The following FANK1 variants were observed in gnomAD, a reference collection of about 807,000 sequenced individuals.
The protein encoded by FANK1 is fibronectin type 3 and ankyrin repeat domains protein 1.
In FANK1, 44 loss-of-function variants were observed where a neutral mutation model predicts 45.3. That is an observed-to-expected ratio of 0.97 (90% CI 0.76 to 1.25). The LOEUF (loss-of-function observed/expected upper bound fraction) is 1.25. Ranked by LOEUF, FANK1 falls within the 50% of genes most tolerant of loss-of-function variation. The probability of loss-of-function intolerance (pLI) is 0.00; values close to 1 mark genes in which losing one functional copy is unlikely to be tolerated. For synonymous variants in FANK1, 149 were observed against 152.5 expected, an observed-to-expected ratio of 0.98 and a Z score of 0.17; for missense variants, 391 against 424.4, an observed-to-expected ratio of 0.92 and a Z score of 0.69.
rs780196152 is a variant in FANK1, at chr10:125,996,635, TC to T, written c.473+12del. ...GAAAGGATACACCAGGTATGGCTCT[TC>T]TTTTTTTTAAATCTCTCTTGGGGAT... On this transcript the variant is annotated intron_variant, in intron 5 of 10. Transcript: ENST00000368693. The T allele has an allele frequency of 3.7e-6, 6 of 1,612,376 alleles. No individual in the cohort carries two copies. The highest frequency in any genetic ancestry group is 4.2e-6 in the Non-Finnish European group (5 of 1,179,144).
intron 6 of FANK1, among the ~76,000 whole-genome samples, chr10:126,001,410 A>C (rs572011283): frequency 1.3e-5 from 2 of 152,340 alleles, no homozygotes; most frequent in Admixed American, 1.3e-4. Flanking sequence ...ATCATACAGA[A>C]CAAGAGAGAA....
At chr10:125,989,391 T>A (rs1951779312) in intron 3 of FANK1, 1 of 1,541,864 alleles carries the variant, frequency 6.5e-7, no homozygotes, top group Non-Finnish European at 8.8e-7. Context: ...AAGGAAACCT[T>A]CCTTTTGTGA....
intron 1 of FANK1, among the ~76,000 whole-genome samples, chr10:125,930,605 G>C (rs998888261): frequency 6.6e-6 from 1 of 151,786 alleles, no homozygotes; most frequent in African/African-American, 2.4e-5. Flanking sequence ...CAGAAGTTCT[G>C]GGATTACAAG....
At chr10:125,940,152 A>G (rs2134152291) in intron 1 of FANK1, among the ~76,000 whole-genome samples, 1 of 152,282 alleles carries the variant, frequency 6.6e-6, no homozygotes, top group South Asian at 2.1e-4. Context: ...GAGAAAATAA[A>G]TAAGACACAG....
chr10:125,919,788 G>C (rs1946812241), intron 1 of FANK1, among the ~76,000 whole-genome samples: 1 of 152,074 alleles, frequency 6.6e-6, no homozygotes, highest in Non-Finnish European at 1.5e-5. Context: ...CTTCTTTCTG[G>C]GCTTTCTAAG....
chr10:125,974,407 C>G (rs1950722176), intron 1 of FANK1, among the ~76,000 whole-genome samples: 1 of 152,026 alleles, frequency 6.6e-6, no homozygotes, highest in African/African-American at 2.4e-5. Context: ...TTTAAATGAA[C>G]AATGCAGTAA....
At chr10:125,929,899 G>A (rs1437075797) in intron 1 of FANK1, among the ~76,000 whole-genome samples, 2 of 152,146 alleles carry the variant, frequency 1.3e-5, no homozygotes, top group African/African-American at 4.8e-5. Flanking sequence ...GCAATTTACG[G>A]CATACACCTT....
At chr10:125,910,267 C>G (rs959739164) in intron 1 of FANK1, among the ~76,000 whole-genome samples, 1 of 152,164 alleles carries the variant, frequency 6.6e-6, no homozygotes, top group Non-Finnish European at 1.5e-5. Flanking sequence ...CATAAAGAGT[C>G]CTACAATGGG....
intron 1 of FANK1, among the ~76,000 whole-genome samples, chr10:125,902,031 ATTGC>A (rs1232404260): frequency 6.6e-6 from 1 of 152,066 alleles, no homozygotes; most frequent in East Asian, 1.9e-4. Context: ...AGGCAGGAGA[ATTGC>A]TTGAACCTGG....
At chr10:125,970,562 C>T (rs61870942) in intron 1 of FANK1, among the ~76,000 whole-genome samples, 53,792 of 152,124 alleles carry the variant, frequency 0.35, 9,834 homozygotes, top group South Asian at 0.42. Context: ...TCTGCAATCC[C>T]GGCGCCTCGG....
intron 1 of FANK1, among the ~76,000 whole-genome samples, chr10:125,913,450 T>G (rs1589821577): frequency 6.6e-6 from 1 of 152,304 alleles, no homozygotes; most frequent in East Asian, 1.9e-4. Flanking sequence ...GGCGCTCAGC[T>G]TCATTCACTA....
intron 3 of FANK1, among the ~76,000 whole-genome samples, chr10:125,990,393 C>CT (rs1435145870): frequency 1.3e-5 from 2 of 152,092 alleles, no homozygotes; most frequent in Non-Finnish European, 2.9e-5. Flanking sequence ...AGGACCCTTT[C>CT]TTTAAAAAAA....
At chr10:125,946,112 C>T (rs1251039888) in intron 1 of FANK1, among the ~76,000 whole-genome samples, 1 of 152,136 alleles carries the variant, frequency 6.6e-6, no homozygotes, top group African/African-American at 2.4e-5. Context: ...ATCTGTACAT[C>T]ACCATCATCA....
chr10:125,952,384 C>T (rs1474402933), intron 1 of FANK1, among the ~76,000 whole-genome samples: 2 of 152,058 alleles, frequency 1.3e-5, no homozygotes, highest in Admixed American at 6.6e-5. Flanking sequence ...CCAATCCTGC[C>T]GGTTTCTTGC....
chr10:125,965,625 T>C (rs774771721), intron 1 of FANK1, among the ~76,000 whole-genome samples: 8 of 152,204 alleles, frequency 5.3e-5, no homozygotes, highest in Non-Finnish European at 7.3e-5. Flanking sequence ...CTGCTGTACT[T>C]CTTTGAGCCT....
At position 125,917,711 on chromosome 10, in the gene FANK1, G is replaced by A. The variant is rs192795057; in HGVS notation, c.13+21056G>A. Among the ~76,000 whole-genome samples the A allele has an allele frequency of 2.6e-3, 400 of 152,356 alleles. 1 individual carries two copies. The highest frequency in any genetic ancestry group is 9.3e-3 in the African/African-American group (387 of 41,580). On this transcript the variant is annotated intron_variant, in intron 1 of 10. Transcript: ENST00000368693. The stretch of plus-strand genomic sequence containing the variant: ...GCCCCAGCCAAGAAATTAGAAGGGT[G>A]GAGGAAAAATATTTTTCCTCCCTTA...
intron 2 of FANK1, among the ~76,000 whole-genome samples, chr10:125,986,609 C>G (rs1951575350): frequency 6.6e-6 from 1 of 152,172 alleles, no homozygotes; most frequent in Non-Finnish European, 1.5e-5. Context: ...GTTGTGTGTT[C>G]TTTCAACCCT....
At chr10:125,995,972 C>G (rs1244285034) in intron 4 of FANK1, among the ~76,000 whole-genome samples, 1 of 152,222 alleles carries the variant, frequency 6.6e-6, no homozygotes, top group Non-Finnish European at 1.5e-5. Context: ...TAGATGTTAT[C>G]TAGGTTCTTT....
At chr10:125,994,435 T>G (rs1266254203) in intron 3 of FANK1, 34 of 985,168 alleles carry the variant, frequency 3.5e-5, no homozygotes, top group Non-Finnish European at 4.1e-5. Context: ...GATTATAAAC[T>G]CAAACTCTTG....
Sources: allele counts gnomAD v4.1 joint callset (sites outside exome capture counted in the v4.1 genomes callset), GRCh38; gene constraint gnomAD v4.1.1; transcripts MANE v1.5; gene names NCBI Gene and HGNC (gene_info 2026-07-23, HGNC 2026-07-21).